CERS3: variants seen among roughly 807,000 people sequenced by gnomAD.
CERS3 encodes LAG1 homolog, ceramide synthase 3.
CERS3 carries 33 observed loss-of-function variants against 50.3 expected under a neutral mutation model. The ratio of observed to expected loss-of-function variants is 0.66; its 90% CI spans 0.50 to 0.88. The LOEUF (loss-of-function observed/expected upper bound fraction) is 0.88, where lower values mean the gene tolerates loss of function less well. CERS3 is among the 40% of genes least tolerant of loss of function. CERS3 has a pLI of 0.00. For synonymous variants in CERS3, 176 were observed against 155.2 expected, an observed-to-expected ratio of 1.13 and a Z score of -0.99; for missense variants, 470 against 460.3, an observed-to-expected ratio of 1.02 and a Z score of -0.19.
chr15:100,403,059 C>T (rs868609703), intron 11 of CERS3, among the ~76,000 whole-genome samples, 194 bp from the exon 12 acceptor site: 23 of 152,078 alleles, frequency 1.5e-4, no homozygotes, highest in South Asian at 6.2e-4. Flanking sequence ...TGACATTACA[C>T]GAAGCATATT....
chr15:100,438,494 G>C (rs931422011), intron 11 of CERS3, among the ~76,000 whole-genome samples: 1 of 151,980 alleles, frequency 6.6e-6, no homozygotes, highest in Non-Finnish European at 1.5e-5. Context: ...GGTTTTTCTA[G>C]TTATTAATTT....
chr15:100,500,720 T>G (rs2035971117), intron 3 of CERS3, among the ~76,000 whole-genome samples: 1 of 152,326 alleles, frequency 6.6e-6, no homozygotes, highest in East Asian at 1.9e-4. Flanking sequence ...AGGGGCTTTC[T>G]TTTCCTCCCA....
intron 11 of CERS3, among the ~76,000 whole-genome samples, chr15:100,454,171 G>A (rs567803505): frequency 3.3e-5 from 5 of 152,126 alleles, no homozygotes; most frequent in South Asian, 2.1e-4. Context: ...CAAGAGAATC[G>A]CTTGACCCCA....
At chr15:100,419,593 C>G (rs2032245721) in intron 11 of CERS3, among the ~76,000 whole-genome samples, 1 of 145,524 alleles carries the variant, frequency 6.9e-6, no homozygotes, top group African/African-American at 2.5e-5. Flanking sequence ...TAATAGACAT[C>G]TACAGAACTC....
intron 8 of CERS3, 105 bp from the exon 9 acceptor site, chr15:100,473,157 T>G (rs1332540234): frequency 1.6e-6 from 2 of 1,214,954 alleles, no homozygotes. Flanking sequence ...TACATCTGCA[T>G]GTTTTGAAAT....
chr15:100,467,477 C>T (rs546976494), intron 10 of CERS3, among the ~76,000 whole-genome samples: 1 of 151,948 alleles, frequency 6.6e-6, no homozygotes, highest in African/African-American at 2.4e-5. Context: ...TGAATAAAAA[C>T]TTGCAAAAAA....
At chr15:100,517,417 T>A (rs2036523096) in intron 2 of CERS3, among the ~76,000 whole-genome samples, 1 of 151,862 alleles carries the variant, frequency 6.6e-6, no homozygotes, top group Non-Finnish European at 1.5e-5. Flanking sequence ...GGTGGGGGAG[T>A]GGCTTTTCTG....
At chr15:100,474,509 AT>A (rs2035064350) in intron 8 of CERS3, among the ~76,000 whole-genome samples, 1 of 152,040 alleles carries the variant, frequency 6.6e-6, no homozygotes, top group South Asian at 2.1e-4. Flanking sequence ...GGTTCAAGCG[AT>A]TCTCCTGCCT....
intron 1 of CERS3, among the ~76,000 whole-genome samples, chr15:100,542,791 A>C (rs2142443934): frequency 6.7e-6 from 1 of 149,864 alleles, no homozygotes; most frequent in Non-Finnish European, 1.5e-5. Context: ...ATATATGTAT[A>C]TGTATGAACA....
At chr15:100,411,714 G>T (rs1165721387) in intron 11 of CERS3, among the ~76,000 whole-genome samples, 2 of 152,066 alleles carry the variant, frequency 1.3e-5, no homozygotes, top group East Asian at 3.8e-4. Context: ...ACTTTTTGTA[G>T]AACTACCATA....
chr15:100,426,312 A>G (rs2032808184), intron 11 of CERS3, among the ~76,000 whole-genome samples: 1 of 152,256 alleles, frequency 6.6e-6, no homozygotes, highest in African/African-American at 2.4e-5. Flanking sequence ...ACAAGGAGAC[A>G]TACATCAATA....
intron 10 of CERS3, among the ~76,000 whole-genome samples, chr15:100,460,989 AAGGAG>A (rs2034531019): frequency 6.6e-6 from 1 of 152,164 alleles, no homozygotes. Context: ...GTGTGGCTTA[AAGGAG>A]AGGAGTGGCA....
intron 11 of CERS3, among the ~76,000 whole-genome samples, chr15:100,435,862 C>T (rs1410926151): frequency 1.3e-5 from 2 of 152,204 alleles, no homozygotes. Context: ...GGCCAACAAA[C>T]ATTTGAAAAA....
chr15:100,437,147 G>A (rs1005722417), intron 11 of CERS3, among the ~76,000 whole-genome samples: 3 of 151,918 alleles, frequency 2.0e-5, no homozygotes, highest in Admixed American at 6.6e-5. Flanking sequence ...GTGTTTCACC[G>A]TGTTAGCCAG....
At chr15:100,436,375 G>A (rs1368112855) in intron 11 of CERS3, among the ~76,000 whole-genome samples, 1 of 152,154 alleles carries the variant, frequency 6.6e-6, no homozygotes, top group Admixed American at 6.5e-5. Flanking sequence ...CACAAGAACA[G>A]AAAACCAAAC....
At chr15:100,462,332 G>A (rs192731753) in intron 10 of CERS3, among the ~76,000 whole-genome samples, 1 of 152,154 alleles carries the variant, frequency 6.6e-6, no homozygotes, top group Non-Finnish European at 1.5e-5. Context: ...TGCAGTGTTG[G>A]TATAAATATT....
chr15:100,466,082 T>C (rs187698391), intron 10 of CERS3, among the ~76,000 whole-genome samples: 37 of 152,284 alleles, frequency 2.4e-4, no homozygotes, highest in African/African-American at 8.2e-4. Flanking sequence ...AGTATAAAGA[T>C]CAAGAAAATG....
chr15:100,518,035 G>A (rs1213749082), intron 2 of CERS3, among the ~76,000 whole-genome samples: 3 of 152,200 alleles, frequency 2.0e-5, no homozygotes, highest in Non-Finnish European at 4.4e-5. Context: ...TCTCTGGCCA[G>A]GGCAGCTGCT....
intron 1 of CERS3, among the ~76,000 whole-genome samples, chr15:100,542,386 G>A (rs779024140): frequency 9.2e-5 from 14 of 152,268 alleles, no homozygotes; most frequent in African/African-American, 7.2e-5. Context: ...TAAATCATGC[G>A]TATTTTCATG....
Sources: gnomAD v4.1 joint callset for allele counts (sites outside exome capture counted in the v4.1 genomes callset) on GRCh38, gnomAD v4.1.1 for gene constraint, MANE v1.5 for transcripts, NCBI Gene and HGNC (gene_info 2026-07-23, HGNC 2026-07-21) for gene names.